Variants in COL24A1 observed in about 807,000 individuals in gnomAD.
The protein encoded by COL24A1 is collagen type XXIV alpha 1 chain.
COL24A1 carries 224 observed loss-of-function variants against 253.9 expected under a neutral mutation model. The observed-to-expected ratio is 0.88, with a 90% CI of 0.79 to 0.99. COL24A1 has a LOEUF of 0.99. COL24A1 is among the 50% of genes least tolerant of loss of function. COL24A1 has a pLI of 0.00. For synonymous variants in COL24A1, 685 were observed against 673.7 expected, an observed-to-expected ratio of 1.02 and a Z score of -0.26; for missense variants, 2,131 against 2,068.5, an observed-to-expected ratio of 1.03 and a Z score of -0.59.
rs376222055 is a variant in COL24A1 at position 86,089,195 on chromosome 1, G to C, written c.1686C>G (p.Pro562=). The C allele has an allele frequency of 5.0e-6, 8 of 1,584,930 alleles. No individual in the cohort carries two copies. In the Admixed American group the frequency reaches 1.6e-4, roughly 31 times the overall value. The stretch of plus-strand genomic sequence containing the variant: ...TTACCTTATCACCTTGCATACCAGG[G>C]GGGCCCATTAATCCAGAAAGGCCTT... ...GDQGLSGLMG[P]PGMQGDKGLK... Residue 562 remains proline (P), a synonymous_variant, in exon 7 of 60, where the codon CCC becomes CCG. Coordinates refer to ENST00000370571, the MANE Select transcript of COL24A1 (RefSeq NM_152890.7).
intron 5 of COL24A1, among the ~76,000 whole-genome samples, chr1:86,111,783 C>T (rs564870741): frequency 9.2e-5 from 14 of 152,072 alleles, no homozygotes; most frequent in Non-Finnish European, 1.6e-4. Flanking sequence ...ACGAACCCAC[C>T]GGGAGGAATG....
intron 23 of COL24A1, among the ~76,000 whole-genome samples, chr1:85,963,136 T>A (rs771179736): frequency 5.3e-5 from 8 of 152,170 alleles, no homozygotes; most frequent in Non-Finnish European, 1.2e-4. Flanking sequence ...TATTGAATAG[T>A]GGTGATTTTA....
chr1:86,066,194 A>C (rs1279245569), intron 7 of COL24A1, among the ~76,000 whole-genome samples: 2 of 151,014 alleles, frequency 1.3e-5, no homozygotes, highest in Non-Finnish European at 2.9e-5. Flanking sequence ...ACAGGATTGA[A>C]ATAACTCACT....
intron 2 of COL24A1, among the ~76,000 whole-genome samples, chr1:86,131,218 T>A (rs1331750963): frequency 1.3e-5 from 2 of 152,022 alleles, no homozygotes; most frequent in Non-Finnish European, 2.9e-5. Context: ...TATAAGAATA[T>A]GGCACCATAT....
chr1:85,812,018 T>C (rs1672596389), intron 47 of COL24A1, among the ~76,000 whole-genome samples: 1 of 152,196 alleles, frequency 6.6e-6, no homozygotes, highest in Admixed American at 6.5e-5. Flanking sequence ...CTCTGTCAAA[T>C]GCAATTTACC....
chr1:86,021,123 T>A (rs1395318937), intron 18 of COL24A1, among the ~76,000 whole-genome samples: 4 of 152,108 alleles, frequency 2.6e-5, no homozygotes. Context: ...AAAAAATAAA[T>A]AATCCTGAGA....
intron 43 of COL24A1, among the ~76,000 whole-genome samples, chr1:85,832,281 T>C (rs1395238712): frequency 6.6e-6 from 1 of 152,094 alleles, no homozygotes; most frequent in African/African-American, 2.4e-5. Context: ...ATTCCATTGA[T>C]CCATATCTCT....
rs377605221 is a variant in COL24A1, at chr1:85,999,434, C to A, written c.2311-11780G>T. The stretch of plus-strand genomic sequence containing the variant: ...GATAGCTTGACTAGCCTGGGTAACA[C>A]AATGAAAACCCATCTCTACAAAAAT... On this transcript the variant is annotated intron_variant, in intron 19 of 59. Coordinates refer to ENST00000370571, the MANE Select transcript of COL24A1 (RefSeq NM_152890.7). Among the ~76,000 whole-genome samples, 3 of 151,976 alleles carry A rather than the reference C, an allele frequency of 2.0e-5. 1 individual carries two copies. In the South Asian group the frequency reaches 6.3e-4, roughly 32 times the overall value.
At chr1:86,113,424 A>G (rs1405459862) in intron 4 of COL24A1, among the ~76,000 whole-genome samples, 2 of 152,208 alleles carry the variant, frequency 1.3e-5, no homozygotes, top group Non-Finnish European at 2.9e-5. Flanking sequence ...ACATATAGTT[A>G]ATAATTATTT....
chr1:85,865,288 G>A (rs934279887), intron 37 of COL24A1, among the ~76,000 whole-genome samples: 2 of 152,066 alleles, frequency 1.3e-5, no homozygotes, highest in African/African-American at 2.4e-5. Flanking sequence ...CAGCATTAGG[G>A]TGCCTGATTA....
intron 33 of COL24A1, among the ~76,000 whole-genome samples, chr1:85,875,925 A>G (rs942008987): frequency 1.3e-5 from 2 of 152,104 alleles, no homozygotes; most frequent in Non-Finnish European, 2.9e-5. Context: ...TTTGTCTCCA[A>G]GAGATATTTA....
intron 24 of COL24A1, among the ~76,000 whole-genome samples, chr1:85,952,637 C>T (rs887399490): frequency 2.6e-5 from 4 of 152,154 alleles, no homozygotes; most frequent in Admixed American, 1.3e-4. Context: ...AACTACAGCC[C>T]GTAGGCTACC....
intron 7 of COL24A1, among the ~76,000 whole-genome samples, chr1:86,086,292 T>A (rs1703058786): frequency 6.6e-6 from 1 of 152,160 alleles, no homozygotes; most frequent in Non-Finnish European, 1.5e-5. Flanking sequence ...AACGTGCTTC[T>A]GGCCAGAGTA....
chr1:85,983,355 G>A (rs1359238316), intron 20 of COL24A1, among the ~76,000 whole-genome samples: 3 of 151,762 alleles, frequency 2.0e-5, no homozygotes, highest in Non-Finnish European at 3.0e-5. Flanking sequence ...GCTTACTGAT[G>A]TATGTTTTGT....
At chr1:85,879,875 T>C (rs1440716610) in intron 32 of COL24A1, among the ~76,000 whole-genome samples, 1 of 152,166 alleles carries the variant, frequency 6.6e-6, no homozygotes. Flanking sequence ...ACCCGTGTTG[T>C]TCAAGGGTCA....
chr1:85,784,436 C>A, intron 48 of COL24A1, 70 bp from the exon 49 acceptor site: 1 of 1,130,384 alleles, frequency 8.8e-7, no homozygotes, highest in Non-Finnish European at 1.3e-6. Context: ...TGAATGAAAC[C>A]CAAATACAGG....
intron 2 of COL24A1, among the ~76,000 whole-genome samples, chr1:86,133,400 T>A (rs967467848): frequency 6.6e-6 from 1 of 151,950 alleles, no homozygotes; most frequent in East Asian, 1.9e-4. Flanking sequence ...TGAGTAGGAG[T>A]GGTGAGAGAG....
chr1:86,122,001 A>C (rs1479996215), intron 3 of COL24A1, among the ~76,000 whole-genome samples: 2 of 152,102 alleles, frequency 1.3e-5, no homozygotes, highest in Non-Finnish European at 2.9e-5. Context: ...CAGGCTTCTG[A>C]GTCACATCTA....
chr1:85,792,650 G>C lies in COL24A1; in HGVS notation c.3952-6189C>G, dbSNP rs114163881. Among the ~76,000 whole-genome samples the C allele has an allele frequency of 6.3e-3, 963 of 152,080 alleles. 5 individuals carry two copies. Among genetic ancestry groups the C allele is most frequent in the Middle Eastern group, 0.031 (9 of 292 alleles). On this transcript the variant is annotated intron_variant, in intron 47 of 59. Transcript: ENST00000370571. ...TTGAGCCCAAGAGTTCAAAGATGCA[G>C]TGAGCCATGATCATGCCACTGCACT...
Sources: gnomAD v4.1 joint callset for allele counts (sites outside exome capture counted in the v4.1 genomes callset) on GRCh38, gnomAD v4.1.1 for gene constraint, MANE v1.5 for transcripts, NCBI Gene and HGNC (gene_info 2026-07-23, HGNC 2026-07-21) for gene names.